Variants in CAMTA1 observed in about 807,000 individuals in gnomAD.
CAMTA1 encodes the protein calmodulin-binding transcription activator 1.
CAMTA1 carries 27 observed loss-of-function variants against 170.9 expected under a neutral mutation model. That is an observed-to-expected ratio of 0.16 (90% CI 0.12 to 0.22). The LOEUF is 0.22. Among genes scored for constraint, CAMTA1 ranks in the 10% least tolerant of loss-of-function variants. CAMTA1 has a pLI of 1.00. For synonymous variants in CAMTA1, 833 were observed against 891.5 expected, an observed-to-expected ratio of 0.93 and a Z score of 1.17; for missense variants, 1,619 against 2,217.2, an observed-to-expected ratio of 0.73 and a Z score of 5.42.
rs1558072434 is a variant in CAMTA1, at chr1:7,659,302, A to AGGGGG, written c.665-2424_665-2423insGGGGG. On this transcript the variant is annotated intron_variant, in intron 7 of 22. Transcript: ENST00000303635. The stretch of plus-strand genomic sequence containing the variant: ...GTAATCCCAGCACTTTGGGAGGCCA[A>AGGGGG]AGGGGGGTGGATCACAAGGTCAGGA... 4.1e-3 allele frequency among the ~76,000 whole-genome samples: 617 copies of AGGGGG among 152,080 alleles called. 9 individuals carry two copies. Among genetic ancestry groups the AGGGGG allele is most frequent in the African/African-American group, 0.014 (564 of 41,398 alleles).
At chr1:7,027,394 A>G (rs973620962) in intron 3 of CAMTA1, among the ~76,000 whole-genome samples, 1 of 152,166 alleles carries the variant, frequency 6.6e-6, no homozygotes, top group African/African-American at 2.4e-5. Flanking sequence ...GGCCCACGAG[A>G]CCTGGGGGAA....
At chr1:6,791,414 C>T (rs1283879769) in intron 1 of CAMTA1, among the ~76,000 whole-genome samples, 1 of 152,164 alleles carries the variant, frequency 6.6e-6, no homozygotes, top group Non-Finnish European at 1.5e-5. Context: ...AACTAGATAG[C>T]ATCTCTAGAT....
Position 7,302,561 on chromosome 1 carries a change from C to T in CAMTA1, c.438+52935C>T, listed in dbSNP as rs1377695689. Among the ~76,000 whole-genome samples, 6 of 152,156 alleles carry T rather than the reference C, an allele frequency of 3.9e-5. No individual in the cohort carries two copies. The East Asian group carries it at 5.8e-4, about 15-fold the overall frequency. ...GCTAAATTATAAATATGCAATGCTG[C>T]GAGTAATGAAATATGCACCTCTAAT... On this transcript the variant is annotated intron_variant, in intron 5 of 22. Transcript: ENST00000303635.
At chr1:7,599,371 C>G (rs1205135817) in intron 6 of CAMTA1, among the ~76,000 whole-genome samples, 1 of 152,086 alleles carries the variant, frequency 6.6e-6, no homozygotes, top group African/African-American at 2.4e-5. Flanking sequence ...AGTCAGGTAG[C>G]GTGATGCCTC....
intron 4 of CAMTA1, among the ~76,000 whole-genome samples, chr1:7,109,541 G>T (rs1191870789): frequency 2.0e-5 from 3 of 152,168 alleles, no homozygotes; most frequent in Non-Finnish European, 2.9e-5. Flanking sequence ...ACAATCTTCT[G>T]TGAGCTGGGT....
chr1:7,217,270 G>T (rs979509721), intron 4 of CAMTA1, among the ~76,000 whole-genome samples: 4 of 152,188 alleles, frequency 2.6e-5, no homozygotes, highest in Non-Finnish European at 5.9e-5. Flanking sequence ...GGAAGTGTTT[G>T]CATCCTCTTC....
chr1:7,744,694 A>G, intron 16 of CAMTA1, 141 bp from the exon 17 acceptor site: 2 of 648,088 alleles, frequency 3.1e-6, no homozygotes, highest in East Asian at 2.7e-5. Flanking sequence ...TTAAAATGGT[A>G]TTTCATTGCA....
At chr1:7,308,092 G>A (rs1486355914) in intron 5 of CAMTA1, among the ~76,000 whole-genome samples, 2 of 151,638 alleles carry the variant, frequency 1.3e-5, no homozygotes, top group African/African-American at 2.4e-5. Flanking sequence ...CATTTTGGTA[G>A]TTTGTGGTTT....
At position 7,300,869 on chromosome 1, in the gene CAMTA1, A is replaced by G. The variant is rs1277238308; in HGVS notation, c.438+51243A>G. Among the ~76,000 whole-genome samples, 1 of 152,208 alleles carries G rather than the reference A, an allele frequency of 6.6e-6. No homozygotes were observed. Among genetic ancestry groups the G allele is most frequent in the African/African-American group, 2.4e-5 (1 of 41,452 alleles). ...ACTCAAAGTAAATATTAATTCCATT[A>G]TGCCATAAACTTTTATTTATCATGA... On this transcript the variant is annotated intron_variant, in intron 5 of 22. Transcript: ENST00000303635. The surrounding 1 kb of genome is among the most constrained non-coding windows in gnomAD (Gnocchi z 4.1).
chr1:7,585,631 G>T lies in CAMTA1; in HGVS notation c.511-54769G>T, dbSNP rs2095302716. ...ATCACGCTGGCTACTGGTGCAGAGGGCAAGGGCAGGAGGCTGCAGGAGGAC... is the reference window on the plus strand; with the variant it reads ...ATCACGCTGGCTACTGGTGCAGAGGTCAAGGGCAGGAGGCTGCAGGAGGAC... On this transcript the variant is annotated intron_variant, in intron 6 of 22. Transcript: ENST00000303635. This position sits in a 1 kb window ranked among gnomAD's most constrained non-coding sequence, Gnocchi z 4.8. Among the ~76,000 whole-genome samples the T allele has an allele frequency of 6.6e-6, 1 of 152,180 alleles. No individual in the cohort carries two copies. Among genetic ancestry groups the T allele is most frequent in the Non-Finnish European group, 1.5e-5 (1 of 68,032 alleles).
chr1:6,981,228 C>G (rs1035050474), intron 3 of CAMTA1, among the ~76,000 whole-genome samples: 2 of 152,154 alleles, frequency 1.3e-5, no homozygotes, highest in African/African-American at 4.8e-5. Flanking sequence ...ATTCCTGGAA[C>G]TTTTAGGATT....
At chr1:7,352,240 C>A (rs2084739752) in intron 5 of CAMTA1, among the ~76,000 whole-genome samples, 1 of 151,630 alleles carries the variant, frequency 6.6e-6, no homozygotes, top group African/African-American at 2.4e-5. Flanking sequence ...GTGGTAACTG[C>A]ATCAGCATTG....
intron 11 of CAMTA1, among the ~76,000 whole-genome samples, chr1:7,708,074 T>A (rs1215209061): frequency 6.6e-6 from 1 of 152,208 alleles, no homozygotes; most frequent in Non-Finnish European, 1.5e-5. Context: ...CTGACACTTG[T>A]AATTCTAGCA....
intron 3 of CAMTA1, among the ~76,000 whole-genome samples, chr1:7,055,012 C>T (rs1707078211): frequency 6.6e-6 from 1 of 152,040 alleles, no homozygotes; most frequent in Non-Finnish European, 1.5e-5. Flanking sequence ...AGGTGCCACA[C>T]ACTTTAAACA....
At chr1:7,184,958 T>A (rs1017617627) in intron 4 of CAMTA1, among the ~76,000 whole-genome samples, 1 of 152,154 alleles carries the variant, frequency 6.6e-6, no homozygotes, top group Non-Finnish European at 1.5e-5. Flanking sequence ...ATGGCTACTG[T>A]AGTAGGGTTT....
At chr1:7,725,004 T>A (rs947270442) in intron 11 of CAMTA1, among the ~76,000 whole-genome samples, 2 of 152,126 alleles carry the variant, frequency 1.3e-5, no homozygotes, top group Non-Finnish European at 2.9e-5. Context: ...CCAGTGTTCT[T>A]TGCACTGTCT....
chr1:7,496,267 G>A (rs910318485), intron 6 of CAMTA1, among the ~76,000 whole-genome samples: 2 of 152,242 alleles, frequency 1.3e-5, no homozygotes, highest in African/African-American at 2.4e-5. Context: ...GTGTGTGGCT[G>A]TTGTGGGCTC....
intron 3 of CAMTA1, among the ~76,000 whole-genome samples, chr1:6,891,058 TG>T (rs1674401033): frequency 6.6e-6 from 1 of 152,230 alleles, no homozygotes; most frequent in Non-Finnish European, 1.5e-5. Flanking sequence ...TGAGATGATG[TG>T]TCTGAGAGTC....
chr1:6,957,503 A>G (rs1382749849), intron 3 of CAMTA1, among the ~76,000 whole-genome samples: 1 of 151,272 alleles, frequency 6.6e-6, no homozygotes, highest in East Asian at 1.9e-4. Flanking sequence ...TGGCTTTTCC[A>G]GCTTTCAGAG....
Sources: allele counts gnomAD v4.1 joint callset (sites outside exome capture counted in the v4.1 genomes callset), GRCh38; gene constraint gnomAD v4.1.1; non-coding constraint Gnocchi (gnomAD v3.1); transcripts MANE v1.5; gene names NCBI Gene and HGNC (gene_info 2026-07-23, HGNC 2026-07-21).